The following POLE4 variants were observed in gnomAD, a reference collection of about 807,000 sequenced individuals.
POLE4 encodes the protein DNA polymerase epsilon 4, accessory subunit.
In POLE4, 15 loss-of-function variants were observed where a neutral mutation model predicts 15.6. The ratio of observed to expected loss-of-function variants is 0.96; its 90% CI spans 0.64 to 1.48. POLE4 has a LOEUF of 1.48. Among genes scored for constraint, POLE4 ranks in the 40% most tolerant of loss-of-function variants. POLE4 has a pLI of 0.00. For synonymous variants in POLE4, 83 were observed against 63.2 expected, an observed-to-expected ratio of 1.31 and a Z score of -1.49; for missense variants, 205 against 151.9, an observed-to-expected ratio of 1.35 and a Z score of -1.84.
Position 74,958,837 on chromosome 2 carries a change from A to AT in POLE4, c.159dup (p.Pro54SerfsTer48). On this transcript the variant is annotated frameshift_variant, in exon 1 of 4. Coordinates refer to ENST00000483063, the MANE Select transcript of POLE4 (RefSeq NM_019896.4). LOFTEE classifies it high-confidence loss of function. ...CGAGTGAAGGCCTTGGTGAAGGCAG[A>AT]TCCCGACGTGACGCTAGCGGGACAG... The AT allele has an allele frequency of 1.9e-6, 3 of 1,560,324 alleles. No homozygotes were observed. Among genetic ancestry groups the AT allele is most frequent in the Non-Finnish European group, 2.6e-6 (3 of 1,152,294 alleles).
chr2:74,964,749 T>G (rs974431725), intron 3 of POLE4, among the ~76,000 whole-genome samples: 4 of 152,150 alleles, frequency 2.6e-5, no homozygotes, highest in Admixed American at 6.5e-5. Context: ...TATCTGTTGA[T>G]TTTTGAATTT....
intron 2 of POLE4, among the ~76,000 whole-genome samples, 174 bp from the exon 3 acceptor site, chr2:74,959,931 T>TA (rs1246388870): frequency 6.6e-6 from 1 of 152,196 alleles, no homozygotes; most frequent in Non-Finnish European, 1.5e-5. Context: ...AGACAGCTAA[T>TA]ATATATAAGA....
chr2:74,959,244 C>G, intron 1 of POLE4, 97 bp from the exon 2 acceptor site: 1 of 737,598 alleles, frequency 1.4e-6, no homozygotes, highest in Admixed American at 2.4e-5. Context: ...TGCCCCGAGC[C>G]TTTCTTCTCC....
chr2:74,958,945 G>T, intron 1 of POLE4, 53 bp downstream of exon 1: 3 of 1,461,358 alleles, frequency 2.1e-6, no homozygotes, highest in East Asian at 2.6e-5. Flanking sequence ...AGTGTGGGGC[G>T]GGGCCTCGGG....
At chr2:74,967,267 CT>C (rs1671310102) in intron 3 of POLE4, among the ~76,000 whole-genome samples, 1 of 151,454 alleles carries the variant, frequency 6.6e-6, no homozygotes, top group South Asian at 2.1e-4. Context: ...GTAATTTTTT[CT>C]GATCTTCCAG....
intron 2 of POLE4, 86 bp downstream of exon 2, chr2:74,959,511 A>G: frequency 2.4e-6 from 2 of 822,452 alleles, no homozygotes; most frequent in Non-Finnish European, 4.0e-6. Flanking sequence ...CGTCACTCTG[A>G]TCTGAGAGGT....
chr2:74,967,909 G>A (rs1406076313), intron 3 of POLE4, among the ~76,000 whole-genome samples: 1 of 147,998 alleles, frequency 6.8e-6, no homozygotes, highest in Non-Finnish European at 1.5e-5. Flanking sequence ...TTAAATTCCA[G>A]TTCGTCCTTA....
chr2:74,964,710 T>G (rs1258702968), intron 3 of POLE4, among the ~76,000 whole-genome samples: 2 of 152,196 alleles, frequency 1.3e-5, no homozygotes, highest in Middle Eastern at 3.2e-3. Context: ...AATTTTGTTT[T>G]GATGTAGTTC....
intron 2 of POLE4, 112 bp from the exon 3 acceptor site, chr2:74,959,993 A>C (rs1183759937): frequency 1.2e-6 from 1 of 803,472 alleles, no homozygotes; most frequent in Non-Finnish European, 2.2e-6. Flanking sequence ...CGCATCTTAT[A>C]AATGCCCTCA....
chr2:74,962,328 A>G (rs535359456), intron 3 of POLE4, among the ~76,000 whole-genome samples: 1 of 152,174 alleles, frequency 6.6e-6, no homozygotes, highest in African/African-American at 2.4e-5. Flanking sequence ...TTCCCTTTCT[A>G]GTTCACATCT....
chr2:74,965,953 G>A lies in POLE4; in HGVS notation c.341-3456G>A, dbSNP rs191533210. Among the ~76,000 whole-genome samples, 22 of 151,958 alleles carry A rather than the reference G, an allele frequency of 1.4e-4. No homozygotes were observed. The East Asian group carries it at 3.3e-3, about 23-fold the overall frequency. On this transcript the variant is annotated intron_variant, in intron 3 of 3. Transcript: ENST00000483063. Reference sequence around the variant, plus strand: ...CAGTCTGTGTCTATAACTGGAGCACGTCATTTATTTATGTTTAATGTAATT... The same window carrying A: ...CAGTCTGTGTCTATAACTGGAGCACATCATTTATTTATGTTTAATGTAATT...
chr2:74,958,967 G>C, intron 1 of POLE4, 75 bp downstream of exon 1: 1 of 1,391,790 alleles, frequency 7.2e-7, no homozygotes, highest in African/African-American at 1.5e-5. Context: ...CCTCCCGCGG[G>C]CGGGGCTTAG....
Position 74,960,754 on chromosome 2 carries a change from T to C in POLE4, c.340+608T>C, listed in dbSNP as rs565835726. 3.3e-5 allele frequency among the ~76,000 whole-genome samples: 5 copies of C among 152,372 alleles called. No individual in the cohort carries two copies. The East Asian group carries it at 9.6e-4, about 29-fold the overall frequency. On this transcript the variant is annotated intron_variant, in intron 3 of 3. Coordinates refer to ENST00000483063, the MANE Select transcript of POLE4 (RefSeq NM_019896.4). ...ACGTATGTAGTCATGTGCTGCGTAA[T>C]AACTTTTTGGTCAGCCATGGACTGC...
rs1671345366 is a variant in POLE4 at position 74,969,752 on chromosome 2, C to G, written c.*330C>G. On this transcript the variant is annotated 3_prime_UTR_variant, in exon 4 of 4. Transcript: ENST00000483063. ...ACCTCAGTCCAGTGTGTTTTATAAT[C>G]TCGCCTTTGTTCCTACCCTGTGACT... The G allele has an allele frequency of 3.3e-6, 1 of 303,736 alleles. No homozygotes were observed. The highest frequency in any genetic ancestry group is 2.1e-5 in the African/African-American group (1 of 48,214). The allele number at this position is 303,736 out of a possible 1,614,324, so 18.8% of individuals were successfully genotyped here.
rs368676677 is a variant in POLE4 at position 74,960,093 on chromosome 2, C to T, written c.299-12C>T. 9.3e-6 allele frequency: 15 copies of T among 1,613,082 alleles called. No homozygotes were observed. The highest frequency in any genetic ancestry group is 4.5e-5 in the East Asian group (2 of 44,872). The stretch of plus-strand genomic sequence containing the variant: ...TGAAGTTAGTCAGGTGTCTCTTTTC[C>T]TTGTGTTTCAGATAATGCAATAGAA... On this transcript the variant is annotated splice_polypyrimidine_tract_variant and intron_variant, in intron 2 of 3. Transcript: ENST00000483063.
chr2:74,958,654 C>T lies in POLE4; in HGVS notation c.-26C>T. 7.2e-7 allele frequency: 1 copy of T among 1,398,300 alleles called. No individual in the cohort carries two copies. Among genetic ancestry groups the T allele is most frequent in the African/African-American group, 1.5e-5 (1 of 65,284 alleles). The allele number at this position is 1,398,300 out of a possible 1,614,324, so 86.6% of individuals were successfully genotyped here. ...CCGCATGCGCGCGCACAGTCGGCGG[C>T]CGCGCGCAGCACGCTCAAGGCCGGG... On this transcript the variant is annotated 5_prime_UTR_variant, in exon 1 of 4. Transcript: ENST00000483063.
chr2:74,968,543 T>C lies in POLE4; in HGVS notation c.341-866T>C, dbSNP rs150169324. Among the ~76,000 whole-genome samples, 674 of 152,028 alleles carry C rather than the reference T, an allele frequency of 4.4e-3. 8 individuals carry two copies. Among genetic ancestry groups the C allele is most frequent in the African/African-American group, 0.015 (643 of 41,520 alleles). On this transcript the variant is annotated intron_variant, in intron 3 of 3. Coordinates refer to ENST00000483063, the MANE Select transcript of POLE4 (RefSeq NM_019896.4). Reference sequence around the variant, plus strand: ...GGTATGAATGCAGAATGCTTTGCTGTGGGAAGCTGGCAGTTTTAGAGGCTG... The same window carrying C: ...GGTATGAATGCAGAATGCTTTGCTGCGGGAAGCTGGCAGTTTTAGAGGCTG...
intron 3 of POLE4, among the ~76,000 whole-genome samples, chr2:74,964,885 C>T (rs1671274208): frequency 6.6e-6 from 1 of 152,028 alleles, no homozygotes; most frequent in Non-Finnish European, 1.5e-5. Flanking sequence ...TACAGTGTTG[C>T]ATGGAAGTGG....
intron 3 of POLE4, among the ~76,000 whole-genome samples, chr2:74,964,251 G>A (rs1671266635): frequency 1.3e-5 from 2 of 152,048 alleles, no homozygotes; most frequent in East Asian, 1.9e-4. Flanking sequence ...CTCAGTTATG[G>A]TAGCTTTATC....
Sources: gnomAD v4.1 joint callset for allele counts (sites outside exome capture counted in the v4.1 genomes callset) on GRCh38, gnomAD v4.1.1 for gene constraint, MANE v1.5 for transcripts, NCBI Gene and HGNC (gene_info 2026-07-23, HGNC 2026-07-21) for gene names.